SMIM14: variants seen among roughly 807,000 people sequenced by gnomAD.
SMIM14 encodes the protein chromosome 4 open reading frame 34.
In SMIM14, 5 loss-of-function variants were observed where a neutral mutation model predicts 12.6. The observed-to-expected ratio is 0.40, with a 90% CI of 0.21 to 0.83. SMIM14 has a LOEUF of 0.83. SMIM14 is among the 40% of genes least tolerant of loss of function. SMIM14 has a pLI of 0.37. For synonymous variants in SMIM14, 30 were observed against 40.1 expected, an observed-to-expected ratio of 0.75 and a Z score of 0.95; for missense variants, 86 against 119.1, an observed-to-expected ratio of 0.72 and a Z score of 1.29.
chr4:39,562,873 A>G (rs755402052), intron 3 of SMIM14, among the ~76,000 whole-genome samples: 6 of 148,358 alleles, frequency 4.0e-5, no homozygotes, highest in Non-Finnish European at 7.4e-5. Flanking sequence ...CTAACTCCTG[A>G]GCTCAAGCAA....
intron 2 of SMIM14, among the ~76,000 whole-genome samples, chr4:39,599,903 C>G (rs994262765): frequency 7.5e-6 from 1 of 132,762 alleles, no homozygotes; most frequent in East Asian, 2.1e-4. Flanking sequence ...GCCTGAACAA[C>G]AGAGTGAGAC....
chr4:39,590,688 G>T (rs906868947), intron 2 of SMIM14, among the ~76,000 whole-genome samples: 16 of 151,862 alleles, frequency 1.1e-4, no homozygotes, highest in Admixed American at 1.1e-3. Context: ...TGTAATCCCA[G>T]CTACTTGGGA....
chr4:39,556,300 G>A, intron 4 of SMIM14, 128 bp downstream of exon 4: 1 of 811,230 alleles, frequency 1.2e-6, no homozygotes, highest in Non-Finnish European at 1.9e-6. Context: ...GAACTACATA[G>A]GTAGAATACT....
chr4:39,551,101 G>A lies in SMIM14; in HGVS notation c.*1025C>T, dbSNP rs1286909586. The A allele has an allele frequency of 6.6e-6, 1 of 151,670 alleles. No individual in the cohort carries two copies. Among genetic ancestry groups the A allele is most frequent in the Non-Finnish European group, 1.5e-5 (1 of 67,928 alleles). The allele number at this position is 151,670 out of a possible 1,614,324, so 9.4% of individuals were successfully genotyped here. A position where few individuals can be genotyped will look rare whatever the true frequency, so the allele number is the denominator to read the frequency against. ...TTTTTCTGTATTTTTAGTAGAGACA[G>A]GGTTTCACCATGTTGGCCAGGCTGG... On this transcript the variant is annotated 3_prime_UTR_variant, in exon 5 of 5. Coordinates refer to ENST00000295958, the MANE Select transcript of SMIM14 (RefSeq NM_174921.3).
At chr4:39,599,933 C>CAA (rs56285045) in intron 2 of SMIM14, among the ~76,000 whole-genome samples, 21 of 115,076 alleles carry the variant, frequency 1.8e-4, no homozygotes, top group Non-Finnish European at 2.5e-4. Flanking sequence ...AAAACAACAA[C>CAA]AAAAAAAAAA....
At chr4:39,584,509 A>C (rs1346962434) in intron 2 of SMIM14, among the ~76,000 whole-genome samples, 1 of 145,164 alleles carries the variant, frequency 6.9e-6, no homozygotes, top group Non-Finnish European at 1.5e-5. Flanking sequence ...AAAAAAAGAC[A>C]AACAGGCTGG....
chr4:39,591,062 C>T (rs1223792208), intron 2 of SMIM14, among the ~76,000 whole-genome samples: 1 of 152,012 alleles, frequency 6.6e-6, no homozygotes, highest in Non-Finnish European at 1.5e-5. Context: ...ACTCAAATCC[C>T]TTATATAAAA....
intron 4 of SMIM14, among the ~76,000 whole-genome samples, chr4:39,555,078 C>T (rs1263983016): frequency 2.0e-5 from 3 of 151,656 alleles, no homozygotes; most frequent in Admixed American, 6.6e-5. Context: ...TCAGGTGATC[C>T]GCCCATCTTG....
rs1168385632 is a variant in SMIM14 at position 39,548,421 on chromosome 4, T to C, written c.*3705A>G. The stretch of plus-strand genomic sequence containing the variant: ...GTTGCCCAGGCTAGTCTCAAACTCC[T>C]GGGCTCAAGCAGTTCTTGCCTCAGC... On this transcript the variant is annotated 3_prime_UTR_variant, in exon 5 of 5. Coordinates refer to ENST00000295958, the MANE Select transcript of SMIM14 (RefSeq NM_174921.3). 2 of 150,802 alleles carry C rather than the reference T, an allele frequency of 1.3e-5. No homozygotes were observed. The highest frequency in any genetic ancestry group is 3.9e-4 in the East Asian group (2 of 5,070). 9.3% of individuals were successfully genotyped at this position (150,802 alleles called of 1,614,324 possible).
chr4:39,546,861 A>AT lies in SMIM14; in HGVS notation c.*5264_*5265insA, dbSNP rs1747365976. The AT allele has an allele frequency of 6.6e-6, 1 of 152,222 alleles. No homozygotes were observed. Among genetic ancestry groups the AT allele is most frequent in the African/African-American group, 2.4e-5 (1 of 41,460 alleles). 9.4% of individuals were successfully genotyped at this position (152,222 alleles called of 1,614,324 possible). On this transcript the variant is annotated 3_prime_UTR_variant, in exon 5 of 5. Coordinates refer to ENST00000295958, the MANE Select transcript of SMIM14 (RefSeq NM_174921.3). ...TTTTACATGTATATGAGTATTCATGACCTTTAATGTCTGGACACATTCTAG... is the reference window on the plus strand; with the variant it reads ...TTTTACATGTATATGAGTATTCATGATCCTTTAATGTCTGGACACATTCTAG...
chr4:39,552,012 C>T lies in SMIM14; in HGVS notation c.*114G>A. 1.4e-6 allele frequency: 1 copy of T among 738,044 alleles called. No homozygotes were observed. The highest frequency in any genetic ancestry group is 2.1e-6 in the Non-Finnish European group (1 of 469,338). 45.7% of individuals were successfully genotyped at this position (738,044 alleles called of 1,614,324 possible). A position where few individuals can be genotyped will look rare whatever the true frequency, so the allele number is the denominator to read the frequency against. On this transcript the variant is annotated 3_prime_UTR_variant, in exon 5 of 5. Coordinates refer to ENST00000295958, the MANE Select transcript of SMIM14 (RefSeq NM_174921.3). ...GAAGCTCATGAAAACAATACCATCC[C>T]ATATTGCAGATACAAAAGGAAAAAC...
At chr4:39,554,986 C>G (rs1711936075) in intron 4 of SMIM14, among the ~76,000 whole-genome samples, 1 of 151,658 alleles carries the variant, frequency 6.6e-6, no homozygotes, top group African/African-American at 2.4e-5. Flanking sequence ...CAGGTGCCCA[C>G]CACCAGGCCC....
chr4:39,593,439 C>G (rs1413805863), intron 2 of SMIM14: 1 of 152,096 alleles, frequency 6.6e-6, no homozygotes, highest in Admixed American at 6.6e-5. Flanking sequence ...AAACCCACAG[C>G]CAATATCATA....
rs752386898 is a variant in SMIM14 at position 39,552,178 on chromosome 4, A to C, written c.268-20T>G. On this transcript the variant is annotated intron_variant, in intron 4 of 4. Transcript: ENST00000295958. The stretch of plus-strand genomic sequence containing the variant: ...TTGTCCCTGGCATTAGAAAGAAATA[A>C]ATTATTTAATTGACTTTTTAAAAAT... 9.0e-6 allele frequency: 14 copies of C among 1,559,796 alleles called. No homozygotes were observed. In the South Asian group the frequency reaches 1.7e-4, roughly 19 times the overall value.
intron 1 of SMIM14, among the ~76,000 whole-genome samples, chr4:39,621,357 T>C (rs1034135269): frequency 1.3e-5 from 2 of 152,156 alleles, no homozygotes; most frequent in South Asian, 2.1e-4. Flanking sequence ...ATTCCACTAA[T>C]ATAGCTGGCA....
At chr4:39,559,499 C>T (rs1712185742) in intron 3 of SMIM14, among the ~76,000 whole-genome samples, 1 of 152,092 alleles carries the variant, frequency 6.6e-6, no homozygotes, top group Admixed American at 6.6e-5. Context: ...GTCAAGACCA[C>T]AGCTGTTTGG....
intron 1 of SMIM14, among the ~76,000 whole-genome samples, chr4:39,613,141 G>A (rs1715096330): frequency 6.6e-6 from 1 of 152,006 alleles, no homozygotes; most frequent in Non-Finnish European, 1.5e-5. Context: ...GCTTCTGGAG[G>A]GCAGAAATCT....
intron 1 of SMIM14, among the ~76,000 whole-genome samples, chr4:39,636,430 T>G (rs149071445): frequency 6.6e-6 from 1 of 152,318 alleles, no homozygotes; most frequent in East Asian, 1.9e-4. Flanking sequence ...ATTAATTTCT[T>G]AAATGTTACA....
intron 2 of SMIM14, among the ~76,000 whole-genome samples, chr4:39,574,967 T>G (rs905458739): frequency 1.3e-5 from 2 of 151,796 alleles, no homozygotes; most frequent in Non-Finnish European, 2.9e-5. Context: ...ACCTCTCATC[T>G]CTACAAAAAA....
Sources: gnomAD v4.1 joint callset for allele counts (sites outside exome capture counted in the v4.1 genomes callset) on GRCh38, gnomAD v4.1.1 for gene constraint, MANE v1.5 for transcripts, NCBI Gene and HGNC (gene_info 2026-07-23, HGNC 2026-07-21) for gene names.